Variants in SECISBP2 observed in about 807,000 individuals in gnomAD.
SECISBP2 encodes the protein selenocysteine insertion sequence-binding protein 2.
Under a neutral mutation model 98.2 loss-of-function variants are expected in SECISBP2, and 96 were observed. The ratio of observed to expected loss-of-function variants is 0.98; its 90% CI spans 0.83 to 1.16. SECISBP2 has a LOEUF of 1.16. Ranked by LOEUF, SECISBP2 falls within the 50% of genes most tolerant of loss-of-function variation. SECISBP2 has a pLI of 0.00. For synonymous variants in SECISBP2, 407 were observed against 370.2 expected (o/e 1.10, Z -1.14); for missense variants, 1,046 against 1,022.9 (o/e 1.02, Z -0.31).
At chr9:89,333,850 C>T (rs1278609844) in intron 6 of SECISBP2, among the ~76,000 whole-genome samples, 1 of 152,160 alleles carries the variant, frequency 6.6e-6, no homozygotes, top group African/African-American at 2.4e-5. Flanking sequence ...TTTGTGTTCT[C>T]ATGTTCGATA....
intron 7 of SECISBP2, among the ~76,000 whole-genome samples, chr9:89,336,128 C>G (rs1045134114): frequency 2.7e-5 from 3 of 112,222 alleles, no homozygotes; most frequent in African/African-American, 9.9e-5. Context: ...TTTGATCTCC[C>G]TGGCTCAAGC....
At chr9:89,345,833 T>C (rs1310009203) in intron 10 of SECISBP2, among the ~76,000 whole-genome samples, 1 of 152,324 alleles carries the variant, frequency 6.6e-6, no homozygotes, top group South Asian at 2.1e-4. Flanking sequence ...GCCAGTCACA[T>C]AGTCACATGT....
intron 9 of SECISBP2, among the ~76,000 whole-genome samples, 177 bp downstream of exon 9, chr9:89,340,130 A>G (rs1292110106): frequency 1.3e-5 from 2 of 152,192 alleles, no homozygotes; most frequent in South Asian, 4.1e-4. Context: ...CTCTTAAATA[A>G]TAAGATTTTA....
intron 14 of SECISBP2, among the ~76,000 whole-genome samples, chr9:89,354,412 G>A (rs1035093767): frequency 2.0e-5 from 3 of 152,202 alleles, no homozygotes; most frequent in African/African-American, 4.8e-5. Context: ...GTCACTTTTA[G>A]TGACATCACA....
rs1324980775 is a variant in SECISBP2, at chr9:89,319,634, C to T, written c.37-18C>T. 6.2e-7 allele frequency: 1 copy of T among 1,614,000 alleles called. No individual in the cohort carries two copies. The highest frequency in any genetic ancestry group is 1.3e-5 in the African/African-American group (1 of 74,992). On this transcript the variant is annotated intron_variant, in intron 1 of 16. Transcript: ENST00000375807. ...GATCTCTGAATGTTTGTGGCCAAAA[C>T]CTCATATTTTTCCTCAGGGCATCAA...
At chr9:89,357,704 G>C (rs1003932293) in intron 15 of SECISBP2, 139 bp downstream of exon 15, 4 of 1,056,216 alleles carry the variant, frequency 3.8e-6, no homozygotes, top group Admixed American at 1.9e-5. Context: ...CACTTAGGCA[G>C]AACCTTCTTA....
At chr9:89,349,001 G>A (rs947844665) in intron 12 of SECISBP2, among the ~76,000 whole-genome samples, 1 of 152,228 alleles carries the variant, frequency 6.6e-6, no homozygotes, top group Non-Finnish European at 1.5e-5. Flanking sequence ...ACAAGCACTC[G>A]TTCCTGTGGG....
chr9:89,320,919 C>G (rs978177179), intron 2 of SECISBP2, among the ~76,000 whole-genome samples: 2 of 151,990 alleles, frequency 1.3e-5, no homozygotes, highest in Non-Finnish European at 2.9e-5. Context: ...TTTATTTGTG[C>G]CTGCATGATG....
chr9:89,347,998 C>T, intron 11 of SECISBP2, 81 bp from the exon 12 acceptor site: 2 of 1,398,570 alleles, frequency 1.4e-6, no homozygotes, highest in Non-Finnish European at 2.0e-6. Context: ...AAAAGTTGAA[C>T]TTGGGCAGTT....
intron 1 of SECISBP2, 72 bp downstream of exon 1, chr9:89,318,684 C>T (rs1268072338): frequency 3.0e-6 from 4 of 1,332,364 alleles, no homozygotes; most frequent in Admixed American, 4.0e-5. Flanking sequence ...CTCGGCCGGG[C>T]GGTGACGGGG....
rs552548352 is a variant in SECISBP2, at chr9:89,318,679, C to T, written c.36+67C>T. 1.5e-4 allele frequency: 202 copies of T among 1,345,110 alleles called. No individual in the cohort carries two copies. The African/African-American group carries it at 2.7e-3, about 18-fold the overall frequency. The allele number at this position is 1,345,110 out of a possible 1,614,324, so 83.3% of individuals were successfully genotyped here. A position where few individuals can be genotyped will look rare whatever the true frequency, so the allele number is the denominator to read the frequency against. ...CGCCTGCCTCGCACTGGGGGCTCGG[C>T]CGGGCGGTGACGGGGCTGGTCCAGC... On this transcript the variant is annotated intron_variant, in intron 1 of 16. Coordinates refer to ENST00000375807, the MANE Select transcript of SECISBP2 (RefSeq NM_024077.5).
intron 5 of SECISBP2, among the ~76,000 whole-genome samples, chr9:89,331,712 T>C (rs953712105): frequency 6.6e-6 from 1 of 152,244 alleles, no homozygotes; most frequent in Admixed American, 6.5e-5. Context: ...TGTTGAACTT[T>C]GGTGTGTGCC....
downstream of SECISBP2, among the ~76,000 whole-genome samples, chr9:89,360,180 G>C (rs1043306496): frequency 3.9e-5 from 6 of 152,190 alleles, no homozygotes; most frequent in African/African-American, 7.2e-5. Context: ...ATGGGAAGTA[G>C]ATGTGGTCAG....
At chr9:89,334,110 G>A in intron 6 of SECISBP2, 13 of 1,129,938 alleles carry the variant, frequency 1.2e-5, no homozygotes, top group Non-Finnish European at 1.4e-5. Flanking sequence ...TGTGATAGCT[G>A]AAGTCTAGTG....
chr9:89,351,038 T>G (rs758740692), intron 14 of SECISBP2, among the ~76,000 whole-genome samples, 186 bp downstream of exon 14: 1 of 152,250 alleles, frequency 6.6e-6, no homozygotes, highest in African/African-American at 2.4e-5. Context: ...CCTTACCCTC[T>G]GTAGGGCAGG....
chr9:89,342,319 C>G (rs1402355847), intron 10 of SECISBP2, among the ~76,000 whole-genome samples: 1 of 152,184 alleles, frequency 6.6e-6, no homozygotes, highest in Non-Finnish European at 1.5e-5. Context: ...AATTGGAACC[C>G]CGTACGCTGC....
At chr9:89,363,926 C>T (rs1833155370), downstream of SECISBP2, 1 of 1,613,980 alleles carries the variant, frequency 6.2e-7, no homozygotes, top group Non-Finnish European at 8.5e-7. Flanking sequence ...ATTCTTCTCC[C>T]AGACAAAGCG....
chr9:89,357,457 G>A lies in SECISBP2; in HGVS notation c.2160G>A (p.Glu720=). The change falls in exon 15 of 17, where the codon GAG becomes GAA. Residue 720 remains glutamate, a synonymous_variant. Coordinates refer to ENST00000375807, the MANE Select transcript of SECISBP2 (RefSeq NM_024077.5). ...ACACAATTATTGATTATGCCTGTGAGCAGAACATTCCCTTTGTGTTTGCTC... is the reference window on the plus strand; with the variant it reads ...ACACAATTATTGATTATGCCTGTGAACAGAACATTCCCTTTGTGTTTGCTC... ...TLHTIIDYAC[E]QNIPFVFALN... 1 of 1,614,190 alleles carries A rather than the reference G, an allele frequency of 6.2e-7. No homozygotes were observed. Among genetic ancestry groups the A allele is most frequent in the African/African-American group, 1.3e-5 (1 of 75,062 alleles).
At chr9:89,341,510 A>G (rs752069841) in intron 10 of SECISBP2, 31 bp downstream of exon 10, 1 of 1,613,158 alleles carries the variant, frequency 6.2e-7, no homozygotes, top group South Asian at 1.1e-5. Context: ...CAGGCAAGTG[A>G]TTGGAAGTCT....
Sources: gnomAD v4.1 joint callset for allele counts (sites outside exome capture counted in the v4.1 genomes callset) on GRCh38, gnomAD v4.1.1 for gene constraint, MANE v1.5 for transcripts, NCBI Gene and HGNC (gene_info 2026-07-23, HGNC 2026-07-21) for gene names.